The following AHCY variants were observed in gnomAD, a reference collection of about 807,000 sequenced individuals.
AHCY encodes the protein adenosylhomocysteinase.
In AHCY, 24 loss-of-function variants were observed where a neutral mutation model predicts 45.4. The ratio of observed to expected loss-of-function variants is 0.53; its 90% CI spans 0.38 to 0.74. The LOEUF is 0.74. AHCY is among the 30% of genes least tolerant of loss of function. The pLI, the probability that AHCY is intolerant of heterozygous loss-of-function variation, is 0.00. For synonymous variants in AHCY, 245 were observed against 235.1 expected (o/e 1.04, Z -0.39); for missense variants, 449 against 594.1 (o/e 0.76, Z 2.54).
At chr20:34,311,082 T>G (rs549007361) in intron 1 of AHCY, among the ~76,000 whole-genome samples, 59 of 152,270 alleles carry the variant, frequency 3.9e-4, no homozygotes, top group Non-Finnish European at 7.4e-4. Context: ...ATTGTGCCAC[T>G]GCACTCTAGC....
downstream of AHCY, among the ~76,000 whole-genome samples, chr20:34,279,504 C>T (rs933471382): frequency 3.3e-5 from 5 of 151,928 alleles, no homozygotes; most frequent in Admixed American, 1.3e-4. Context: ...CTGTTTTGAC[C>T]ACTTGTGTTG....
chr20:34,236,007 A>AAG, the AHCY span, among the ~76,000 whole-genome samples: 3 of 98,538 alleles, frequency 3.0e-5, no homozygotes, highest in Non-Finnish European at 5.3e-5. Context: ...AAGGAGAAAG[A>AAG]GAGAAAGAGA....
chr20:34,282,640 G>A (rs777706531), intron 9 of AHCY, among the ~76,000 whole-genome samples: 42 of 152,242 alleles, frequency 2.8e-4, no homozygotes, highest in Non-Finnish European at 5.6e-4. Flanking sequence ...GTGAAATGAC[G>A]TGTCCACGGT....
chr20:34,252,333 G>A, the AHCY span, among the ~76,000 whole-genome samples: 2,016 of 152,292 alleles, frequency 0.013, 41 homozygotes, highest in African/African-American at 0.046. Context: ...GTGTAGCAGG[G>A]CAACAGGTGG....
rs542036444 is a variant in AHCY, at chr20:34,294,160, G to C, written c.220-4C>G. On this transcript the variant is annotated splice_region_variant and splice_polypyrimidine_tract_variant and intron_variant, in intron 2 of 9. Transcript: ENST00000217426. ...TGTTGCAGCTGGACCACTGCACCTA[G>C]AAGAGCCATCAAAACAAGGCTGTTG... 1.6e-5 allele frequency: 26 copies of C among 1,612,730 alleles called. No individual in the cohort carries two copies. In the South Asian group the frequency reaches 1.9e-4, roughly 12 times the overall value.
chr20:34,272,046 C>A, the AHCY span, among the ~76,000 whole-genome samples: 6 of 145,858 alleles, frequency 4.1e-5, no homozygotes, highest in East Asian at 2.0e-4. Flanking sequence ...AACGTGCCTC[C>A]AAAAAAAAAA....
At chr20:34,246,190 G>T in the AHCY span, 2 of 1,236,940 alleles carry the variant, frequency 1.6e-6, no homozygotes, top group Non-Finnish European at 2.3e-6. Flanking sequence ...TAGGAATTTT[G>T]GCCTTAGTAA....
intron 8 of AHCY, among the ~76,000 whole-genome samples, chr20:34,288,201 A>C (rs2122743927): frequency 6.6e-6 from 1 of 151,482 alleles, no homozygotes; most frequent in East Asian, 1.9e-4. Context: ...CAAGAGGAGC[A>C]GTGTAGGGGA....
At chr20:34,276,754 C>T (rs1430076776), downstream of AHCY, among the ~76,000 whole-genome samples, 1 of 151,976 alleles carries the variant, frequency 6.6e-6, no homozygotes, top group Admixed American at 6.6e-5. Flanking sequence ...CCTAAAGTCC[C>T]GGGATTGAGT....
intron 1 of AHCY, among the ~76,000 whole-genome samples, chr20:34,297,645 A>G (rs2036618253): frequency 6.6e-6 from 1 of 152,100 alleles, no homozygotes; most frequent in South Asian, 2.1e-4. Flanking sequence ...ACATTGCAGC[A>G]ATCCTATGAC....
At chr20:34,269,205 G>A in the AHCY span, 8 of 1,448,946 alleles carry the variant, frequency 5.5e-6, no homozygotes, top group Non-Finnish European at 7.2e-6. Flanking sequence ...CAGGGCTTCG[G>A]GGACGCGGGG....
At chr20:34,250,658 G>A in the AHCY span, among the ~76,000 whole-genome samples, 3 of 152,146 alleles carry the variant, frequency 2.0e-5, no homozygotes, top group South Asian at 2.1e-4. Flanking sequence ...TTAGCCGGGC[G>A]TAGTGGTGCA....
chr20:34,257,977 CTACAAAAAA>C, the AHCY span, among the ~76,000 whole-genome samples: 1 of 152,030 alleles, frequency 6.6e-6, no homozygotes, highest in Non-Finnish European at 1.5e-5. Context: ...AACCTTGTCT[CTACAAAAAA>C]TACAAAAATT....
At chr20:34,234,336 C>T in the AHCY span, among the ~76,000 whole-genome samples, 5 of 152,142 alleles carry the variant, frequency 3.3e-5, no homozygotes, top group Non-Finnish European at 5.9e-5. Context: ...AAAAATATAG[C>T]ATAACTAGTC....
intron 9 of AHCY, 86 bp downstream of exon 9, chr20:34,285,354 G>A (rs1191702109): frequency 6.7e-7 from 1 of 1,483,304 alleles, no homozygotes; most frequent in Admixed American, 1.7e-5. Context: ...AGACAGGCAA[G>A]CACTTTATAA....
chr20:34,307,120 C>CT (rs61016665), upstream of AHCY, among the ~76,000 whole-genome samples: 3,745 of 143,046 alleles, frequency 0.026, 161 homozygotes, highest in African/African-American at 0.091. Flanking sequence ...TTTTCTTTTT[C>CT]TTTTTTTTTT....
chr20:34,248,066 C>T, the AHCY span, among the ~76,000 whole-genome samples: 1 of 152,182 alleles, frequency 6.6e-6, no homozygotes, highest in East Asian at 1.9e-4. Context: ...ATTAGCCTGG[C>T]ATGGTGATGG....
intron 1 of AHCY, chr20:34,302,940 T>G (rs2036830302): frequency 1.0e-6 from 1 of 985,400 alleles, no homozygotes; most frequent in Middle Eastern, 5.2e-4. Context: ...GTGCCAGCCG[T>G]CCCAGGCCGT....
At chr20:34,302,041 C>T (rs953648228) in intron 1 of AHCY, 92 of 958,756 alleles carry the variant, frequency 9.6e-5, no homozygotes, top group Non-Finnish European at 1.1e-4. Flanking sequence ...TGCTCTGTTG[C>T]CCAGGTTGGA....
Sources: allele counts gnomAD v4.1 joint callset (sites outside exome capture counted in the v4.1 genomes callset), GRCh38; gene constraint gnomAD v4.1.1; transcripts MANE v1.5; gene names NCBI Gene and HGNC (gene_info 2026-07-23, HGNC 2026-07-21).